The following BNC2 variants were observed in gnomAD, a reference collection of about 807,000 sequenced individuals.
BNC2 encodes zinc finger protein basonuclin-2.
In BNC2, 20 loss-of-function variants were observed where a neutral mutation model predicts 76.3. That is an observed-to-expected ratio of 0.26 (90% CI 0.18 to 0.38). The LOEUF (loss-of-function observed/expected upper bound fraction) is 0.38, where lower values mean the gene tolerates loss of function less well. Ranked by LOEUF, BNC2 falls within the 10% of genes least tolerant of loss-of-function variation. BNC2 has a pLI of 1.00. For missense variants in BNC2, 1,382 were observed against 1,399.8 expected, an observed-to-expected ratio of 0.99 and a Z score of 0.20; for synonymous variants, 582 against 514.8, an observed-to-expected ratio of 1.13 and a Z score of -1.77.
At chr9:16,660,795 T>A (rs533465812) in intron 3 of BNC2, among the ~76,000 whole-genome samples, 21 of 152,216 alleles carry the variant, frequency 1.4e-4, no homozygotes, top group African/African-American at 5.1e-4. Context: ...AATTTAAAAA[T>A]CAATACAGTA....
chr9:16,658,841 CT>C (rs1293397908), intron 3 of BNC2, among the ~76,000 whole-genome samples: 1 of 152,080 alleles, frequency 6.6e-6, no homozygotes, highest in Non-Finnish European at 1.5e-5. Context: ...CCCCACCCAA[CT>C]TTTTTCTCTT....
chr9:16,524,502 G>T lies in BNC2; in HGVS notation c.669+28028C>A, dbSNP rs578008795. 1.3e-3 allele frequency among the ~76,000 whole-genome samples: 190 copies of T among 150,264 alleles called. 1 individual carries two copies. The highest frequency in any genetic ancestry group is 7.5e-3 in the South Asian group (36 of 4,778). On this transcript the variant is annotated intron_variant, in intron 5 of 6. Coordinates refer to ENST00000380672, the MANE Select transcript of BNC2 (RefSeq NM_017637.6). Reference sequence around the variant, plus strand: ...CTGTTTCCATTTCCTGTTTTTTTTTGGGGGGTGATTTCTTATTCTAAATAC... The same window carrying T: ...CTGTTTCCATTTCCTGTTTTTTTTTTGGGGGTGATTTCTTATTCTAAATAC...
intron 5 of BNC2, among the ~76,000 whole-genome samples, chr9:16,471,514 A>G (rs575651016): frequency 1.3e-5 from 2 of 152,030 alleles, no homozygotes; most frequent in East Asian, 1.9e-4. Context: ...GGCTGGTCTC[A>G]AACTCCTGAC....
chr9:16,681,291 C>T (rs578076374), intron 3 of BNC2, among the ~76,000 whole-genome samples: 1 of 152,264 alleles, frequency 6.6e-6, no homozygotes, highest in East Asian at 1.9e-4. Context: ...AGGAGAGAGT[C>T]ATATGGACCT....
chr9:16,474,226 A>G (rs1288937035), intron 5 of BNC2, among the ~76,000 whole-genome samples: 1 of 152,264 alleles, frequency 6.6e-6, no homozygotes, highest in Non-Finnish European at 1.5e-5. Flanking sequence ...ATCCTAATTG[A>G]AAAGAATATC....
At chr9:16,503,331 C>T (rs1822559975) in intron 5 of BNC2, among the ~76,000 whole-genome samples, 1 of 152,158 alleles carries the variant, frequency 6.6e-6, no homozygotes, top group Admixed American at 6.5e-5. Context: ...AAGCTCCAAA[C>T]ACTATACCAC....
chr9:16,761,948 A>G (rs530601742), intron 1 of BNC2, among the ~76,000 whole-genome samples: 1 of 152,240 alleles, frequency 6.6e-6, no homozygotes, highest in South Asian at 2.1e-4. Context: ...AAAATTTATC[A>G]TGATACTCAA....
chr9:16,674,655 ATC>A (rs1423019151), intron 3 of BNC2, among the ~76,000 whole-genome samples: 1 of 152,206 alleles, frequency 6.6e-6, no homozygotes, highest in South Asian at 2.1e-4. Flanking sequence ...CAGCTATATC[ATC>A]TGTTTTTGAT....
At chr9:16,694,477 T>C (rs891397993) in intron 3 of BNC2, among the ~76,000 whole-genome samples, 1 of 152,152 alleles carries the variant, frequency 6.6e-6, no homozygotes, top group East Asian at 1.9e-4. Flanking sequence ...GACTAGCACC[T>C]TGGCCCATTT....
chr9:16,594,066 T>C (rs2133210119), intron 3 of BNC2, among the ~76,000 whole-genome samples: 2 of 152,288 alleles, frequency 1.3e-5, no homozygotes, highest in Middle Eastern at 6.8e-3. Context: ...ACTAATATAA[T>C]ATGATAGAGA....
intron 1 of BNC2, among the ~76,000 whole-genome samples, chr9:16,821,202 C>A (rs769550695): frequency 1.4e-5 from 2 of 146,544 alleles, no homozygotes; most frequent in African/African-American, 2.5e-5. Context: ...CATTGCAATA[C>A]GGCCTGGGCA....
intron 3 of BNC2, among the ~76,000 whole-genome samples, chr9:16,610,324 T>C (rs1041687695): frequency 1.3e-5 from 2 of 152,152 alleles, no homozygotes; most frequent in Admixed American, 6.6e-5. Context: ...TGCACCACTA[T>C]AATTAAATTC....
intron 2 of BNC2, 134 bp downstream of exon 2, chr9:16,738,226 A>G (rs1227730072): frequency 6.0e-6 from 6 of 997,662 alleles, no homozygotes; most frequent in African/African-American, 1.6e-5. Context: ...CCTGAGTTTC[A>G]TAGAATGAGG....
At chr9:16,665,016 C>G in intron 3 of BNC2, 2 of 455,670 alleles carry the variant, frequency 4.4e-6, no homozygotes. Context: ...GATATCACAG[C>G]AACTATCCTA....
At chr9:16,664,916 T>C in intron 3 of BNC2, 1 of 294,760 alleles carries the variant, frequency 3.4e-6, no homozygotes, top group Non-Finnish European at 6.6e-6. Flanking sequence ...TATTCTTAGA[T>C]TCAGAATATA....
intron 3 of BNC2, among the ~76,000 whole-genome samples, chr9:16,712,959 C>G (rs1823892415): frequency 6.6e-6 from 1 of 152,168 alleles, no homozygotes; most frequent in African/African-American, 2.4e-5. Context: ...GAACTAAAGA[C>G]TAGGAGGCTC....
chr9:16,798,815 C>G (rs1817717174), intron 1 of BNC2, among the ~76,000 whole-genome samples: 1 of 152,048 alleles, frequency 6.6e-6, no homozygotes, highest in Non-Finnish European at 1.5e-5. Context: ...AAACATATGC[C>G]CACAGAGAGC....
chr9:16,539,692 GA>G (rs1818249204), intron 5 of BNC2, among the ~76,000 whole-genome samples: 1 of 118,114 alleles, frequency 8.5e-6, no homozygotes, highest in African/African-American at 4.2e-5. Flanking sequence ...GGAAGGAAGG[GA>G]GAAAGGAAGG....
At chr9:16,734,504 A>G (rs1329780835) in intron 2 of BNC2, among the ~76,000 whole-genome samples, 1 of 152,204 alleles carries the variant, frequency 6.6e-6, no homozygotes, top group African/African-American at 2.4e-5. Flanking sequence ...TTACAACTCT[A>G]CCTTCTCCAG....
Sources: allele counts gnomAD v4.1 joint callset (sites outside exome capture counted in the v4.1 genomes callset), GRCh38; gene constraint gnomAD v4.1.1; transcripts MANE v1.5; gene names NCBI Gene and HGNC (gene_info 2026-07-23, HGNC 2026-07-21).